SSR1: variants seen among roughly 807,000 people sequenced by gnomAD.
The protein encoded by SSR1 is signal sequence receptor subunit 1.
In SSR1, 13 loss-of-function variants were observed where a neutral mutation model predicts 36.1. The ratio of observed to expected loss-of-function variants is 0.36; its 90% CI spans 0.23 to 0.57. The LOEUF (loss-of-function observed/expected upper bound fraction) is 0.57, where lower values mean the gene tolerates loss of function less well. Ranked by LOEUF, SSR1 falls within the 20% of genes least tolerant of loss-of-function variation. The pLI is 0.81. For missense variants in SSR1, 291 were observed against 338.5 expected (o/e 0.86, Z 1.10); for synonymous variants, 113 against 118.9 (o/e 0.95, Z 0.32).
Position 7,312,932 on chromosome 6 carries a change from G to A in SSR1, c.79+110C>T, listed in dbSNP as rs895590356. On this transcript the variant is annotated intron_variant, in intron 1 of 7. Coordinates refer to ENST00000244763, the MANE Select transcript of SSR1 (RefSeq NM_003144.5). ...GGGAGAGGGCGGAGAGAGGCCAGCGGGGTGGACGCGGACCCCAGGACCCGG... is the reference window on the plus strand; with the variant it reads ...GGGAGAGGGCGGAGAGAGGCCAGCGAGGTGGACGCGGACCCCAGGACCCGG... 18 of 1,090,914 alleles carry A rather than the reference G, an allele frequency of 1.6e-5. No homozygotes were observed. In the African/African-American group the frequency reaches 1.7e-4, roughly 10 times the overall value. 67.6% of individuals were successfully genotyped at this position (1,090,914 alleles called of 1,614,324 possible).
chr6:7,289,848 T>A lies in SSR1; in HGVS notation c.*16A>T. The A allele has an allele frequency of 6.4e-7, 1 of 1,569,076 alleles. No individual in the cohort carries two copies. Among genetic ancestry groups the A allele is most frequent in the Non-Finnish European group, 8.6e-7 (1 of 1,164,098 alleles). ...GGCAGGTTAAGTAAAGACCGAATTGTTGCACAAAGGAACATTTACTCATCA... is the reference window on the plus strand; with the variant it reads ...GGCAGGTTAAGTAAAGACCGAATTGATGCACAAAGGAACATTTACTCATCA... On this transcript the variant is annotated 3_prime_UTR_variant, in exon 8 of 8. Coordinates refer to ENST00000244763, the MANE Select transcript of SSR1 (RefSeq NM_003144.5).
At position 7,303,544 on chromosome 6, in the gene SSR1, T is replaced by C. The variant is rs773111722; in HGVS notation, c.280+6A>G. 4 of 1,600,116 alleles carry C rather than the reference T, an allele frequency of 2.5e-6. No individual in the cohort carries two copies. The highest frequency in any genetic ancestry group is 1.3e-5 in the African/African-American group (1 of 74,378). On this transcript the variant is annotated splice_donor_region_variant and intron_variant, in intron 3 of 7. Coordinates refer to ENST00000244763, the MANE Select transcript of SSR1 (RefSeq NM_003144.5). ...ATCTGAATTAAAACTAATACTTCTGTATTACCTTCTCCTTTTACAAACAGT... is the reference window on the plus strand; with the variant it reads ...ATCTGAATTAAAACTAATACTTCTGCATTACCTTCTCCTTTTACAAACAGT...
intron 7 of SSR1, among the ~76,000 whole-genome samples, chr6:7,290,518 T>C (rs1757658929): frequency 6.6e-6 from 1 of 152,194 alleles, no homozygotes. Context: ...CCTCAACCAG[T>C]GAAAGGCTGG....
intron 1 of SSR1, 122 bp downstream of exon 1, chr6:7,312,920 G>A: frequency 1.0e-6 from 1 of 990,698 alleles, no homozygotes; most frequent in African/African-American, 1.6e-5. Flanking sequence ...AGAGGGCGGA[G>A]AGAGGCCAGC....
chr6:7,313,039 C>T lies in SSR1; in HGVS notation c.79+3G>A. 1 of 1,600,864 alleles carries T rather than the reference C, an allele frequency of 6.2e-7. No individual in the cohort carries two copies. The highest frequency in any genetic ancestry group is 1.7e-4 in the Middle Eastern group (1 of 6,052). On this transcript the variant is annotated splice_donor_region_variant and intron_variant, in intron 1 of 7. Transcript: ENST00000244763. The stretch of plus-strand genomic sequence containing the variant: ...TCCCCTCCGCACACTCCCCCAGCCT[C>T]ACCTCTGGGGCCGCCTCGGAACAAG...
intron 2 of SSR1, among the ~76,000 whole-genome samples, chr6:7,305,023 G>A (rs1758025053): frequency 6.6e-6 from 1 of 152,194 alleles, no homozygotes. Flanking sequence ...GTAAGAGTAA[G>A]TTTCTATTCT....
In SSR1 at chr6:7,285,538, GGCCTGTGGTGTGC is replaced by G. The variant is rs961826713; in HGVS notation, c.*4313_*4325del. On this transcript the variant is annotated 3_prime_UTR_variant, in exon 8 of 8. Coordinates refer to ENST00000244763, the MANE Select transcript of SSR1 (RefSeq NM_003144.5). This position sits in a 1 kb window ranked among gnomAD's most constrained non-coding sequence, Gnocchi z 4.1. ...AAAAACAAAACAAAAACATTAGCCA[GGCCTGTGGTGTGC>G]GCCTGTGGTCCCAAATACTTGGAAA... 5 of 152,196 alleles carry G rather than the reference GGCCTGTGGTGTGC, an allele frequency of 3.3e-5. No homozygotes were observed. The highest frequency in any genetic ancestry group is 2.1e-4 in the South Asian group (1 of 4,834). 9.4% of individuals were successfully genotyped at this position (152,196 alleles called of 1,614,324 possible).
At chr6:7,303,515 C>T (rs775956673) in intron 3 of SSR1, 35 bp downstream of exon 3, 1 of 1,464,542 alleles carries the variant, frequency 6.8e-7, no homozygotes, top group Non-Finnish European at 9.5e-7. Flanking sequence ...TTTAAAATGC[C>T]TACATCTGAA....
intron 7 of SSR1, among the ~76,000 whole-genome samples, chr6:7,292,957 G>A (rs1581627820): frequency 6.6e-6 from 1 of 152,170 alleles, no homozygotes; most frequent in East Asian, 1.9e-4. Flanking sequence ...ATTTAAAAAT[G>A]GAAAAGGACC....
intron 2 of SSR1, among the ~76,000 whole-genome samples, chr6:7,306,944 A>G (rs1234803261): frequency 8.8e-6 from 1 of 113,510 alleles, no homozygotes; most frequent in African/African-American, 4.7e-5. Flanking sequence ...GGAAAGCCCA[A>G]GGTGACTTAA....
chr6:7,307,114 G>C (rs2842368), intron 2 of SSR1, among the ~76,000 whole-genome samples: 64,928 of 151,950 alleles, frequency 0.43, 14,065 homozygotes, highest in East Asian at 0.69. Context: ...CCAATCCCTT[G>C]ATGCCTTGGC....
chr6:7,305,715 C>T (rs1237973023), intron 2 of SSR1, among the ~76,000 whole-genome samples: 4 of 152,144 alleles, frequency 2.6e-5, no homozygotes, highest in Non-Finnish European at 5.9e-5. Context: ...AAATGCAGAA[C>T]GATGGGTGAA....
intron 7 of SSR1, 185 bp downstream of exon 7, chr6:7,295,207 T>C (rs1172164444): frequency 7.9e-7 from 1 of 1,266,046 alleles, no homozygotes; most frequent in Non-Finnish European, 1.1e-6. Flanking sequence ...AATTAAAGCA[T>C]AAGAAGACTA....
intron 2 of SSR1, 146 bp from the exon 3 acceptor site, chr6:7,303,783 C>T (rs1757990378): frequency 8.9e-6 from 5 of 559,538 alleles, no homozygotes; most frequent in East Asian, 3.0e-5. Context: ...GTCAGGAGCT[C>T]GAGACCAGCC....
In SSR1 at chr6:7,286,013, A is replaced by C. The variant is rs757036449; in HGVS notation, c.*3851T>G. The C allele has an allele frequency of 6.6e-5, 10 of 152,226 alleles. No individual in the cohort carries two copies. The highest frequency in any genetic ancestry group is 1.2e-4 in the African/African-American group (5 of 41,458). 9.4% of individuals were successfully genotyped at this position (152,226 alleles called of 1,614,324 possible). A position where few individuals can be genotyped will look rare whatever the true frequency, so the allele number is the denominator to read the frequency against. On this transcript the variant is annotated 3_prime_UTR_variant, in exon 8 of 8. Coordinates refer to ENST00000244763, the MANE Select transcript of SSR1 (RefSeq NM_003144.5). ...GAGATGATTTGAACTTTCCATATTC[A>C]ATATGGAACCTTGAGCAAGCTACTT...
intron 7 of SSR1, among the ~76,000 whole-genome samples, chr6:7,293,882 T>C (rs1757735619): frequency 6.6e-6 from 1 of 152,200 alleles, no homozygotes. Context: ...ACCTCATTCT[T>C]AAAGAAATGC....
In SSR1 at chr6:7,312,942, G is replaced by A. The variant is rs1020392200; in HGVS notation, c.79+100C>T. 4.4e-5 allele frequency: 53 copies of A among 1,207,276 alleles called. No homozygotes were observed. The African/African-American group carries it at 7.1e-4, about 16-fold the overall frequency. 74.8% of individuals were successfully genotyped at this position (1,207,276 alleles called of 1,614,324 possible). On this transcript the variant is annotated intron_variant, in intron 1 of 7. Transcript: ENST00000244763. The stretch of plus-strand genomic sequence containing the variant: ...GGAGAGAGGCCAGCGGGGTGGACGC[G>A]GACCCCAGGACCCGGAGCGGCCACC...
At chr6:7,293,104 T>C (rs1455395962) in intron 7 of SSR1, among the ~76,000 whole-genome samples, 3 of 151,764 alleles carry the variant, frequency 2.0e-5, no homozygotes, top group South Asian at 2.1e-4. Context: ...CTGTCAGCAC[T>C]GAGGAACCGG....
intron 2 of SSR1, among the ~76,000 whole-genome samples, chr6:7,305,291 T>C (rs1337489046): frequency 2.0e-5 from 3 of 152,228 alleles, no homozygotes; most frequent in Non-Finnish European, 2.9e-5. Context: ...GAAGTACTTA[T>C]GGAGCATTCA....
Sources: allele counts gnomAD v4.1 joint callset (sites outside exome capture counted in the v4.1 genomes callset), GRCh38; gene constraint gnomAD v4.1.1; non-coding constraint Gnocchi (gnomAD v3.1); transcripts MANE v1.5; gene names NCBI Gene and HGNC (gene_info 2026-07-23, HGNC 2026-07-21).